SGCD: variants seen among roughly 807,000 people sequenced by gnomAD.
SGCD encodes delta-sarcoglycan.
Under a neutral mutation model 36.6 loss-of-function variants are expected in SGCD, and 18 were observed. The observed-to-expected ratio is 0.49, with a 90% CI of 0.34 to 0.73. The LOEUF is 0.73. SGCD is among the 30% of genes least tolerant of loss of function. The pLI, the probability that SGCD is intolerant of heterozygous loss-of-function variation, is 0.01. For synonymous variants in SGCD, 133 were observed against 130.6 expected (o/e 1.02, Z -0.12); for missense variants, 387 against 346.7 (o/e 1.12, Z -0.92).
chr5:156,752,404 C>G (rs1217140793), intron 7 of SGCD, among the ~76,000 whole-genome samples: 1 of 151,034 alleles, frequency 6.6e-6, no homozygotes, highest in Non-Finnish European at 1.5e-5. Flanking sequence ...TTCTTTTTTT[C>G]CCCCCCAAGA....
At chr5:155,934,330 C>T (rs1002129096) in intron 1 of SGCD, among the ~76,000 whole-genome samples, 1 of 152,226 alleles carries the variant, frequency 6.6e-6, no homozygotes, top group African/African-American at 2.4e-5. Context: ...TAGTTGGCAT[C>T]TTGCTCACAT....
intron 3 of SGCD, among the ~76,000 whole-genome samples, chr5:156,459,328 C>G (rs1012576256): frequency 5.9e-5 from 9 of 152,178 alleles, no homozygotes; most frequent in African/African-American, 2.2e-4. Flanking sequence ...AGTTAATAGT[C>G]TCTCTTACTA....
At chr5:156,673,193 G>T (rs1301845662) in intron 7 of SGCD, among the ~76,000 whole-genome samples, 2 of 152,178 alleles carry the variant, frequency 1.3e-5, no homozygotes, top group Non-Finnish European at 2.9e-5. Context: ...ATGAAGGAGG[G>T]CTGTCAAAGC....
At chr5:155,731,344 G>T in the SGCD span, among the ~76,000 whole-genome samples, 2 of 152,042 alleles carry the variant, frequency 1.3e-5, no homozygotes, top group Non-Finnish European at 1.5e-5. Context: ...AGTGGGAATG[G>T]GTGGGGAAGT....
chr5:156,352,758 C>T (rs1561639618), intron 3 of SGCD, among the ~76,000 whole-genome samples: 1 of 152,142 alleles, frequency 6.6e-6, no homozygotes, highest in Non-Finnish European at 1.5e-5. Flanking sequence ...GCTAAGCACC[C>T]TTGTTATCCA....
chr5:156,212,314 C>G (rs535987627), intron 3 of SGCD, among the ~76,000 whole-genome samples: 6 of 152,120 alleles, frequency 3.9e-5, no homozygotes, highest in African/African-American at 1.2e-4. Flanking sequence ...AAGGCATGTT[C>G]TTTGCAAATG....
At chr5:155,746,546 G>C in the SGCD span, among the ~76,000 whole-genome samples, 1 of 152,202 alleles carries the variant, frequency 6.6e-6, no homozygotes, top group Non-Finnish European at 1.5e-5. Flanking sequence ...AGAGTTCTGT[G>C]TTGTGGGTTT....
the SGCD span, among the ~76,000 whole-genome samples, chr5:155,847,338 G>C: frequency 2.0e-5 from 3 of 152,124 alleles, no homozygotes; most frequent in Non-Finnish European, 2.9e-5. Flanking sequence ...ATCACATTGG[G>C]TAGCTACCCA....
chr5:156,186,625 A>C (rs766332492), intron 3 of SGCD, among the ~76,000 whole-genome samples: 3 of 152,184 alleles, frequency 2.0e-5, no homozygotes, highest in Non-Finnish European at 4.4e-5. Context: ...ACACGACTAT[A>C]TGCAACTATG....
chr5:156,308,286 G>A (rs1305276784), intron 3 of SGCD, among the ~76,000 whole-genome samples: 1 of 142,938 alleles, frequency 7.0e-6, no homozygotes, highest in Admixed American at 7.2e-5. Context: ...GAGAGCAAAG[G>A]GGGAAGTGCC....
At chr5:156,131,231 G>A (rs1762313934) in intron 3 of SGCD, among the ~76,000 whole-genome samples, 1 of 152,108 alleles carries the variant, frequency 6.6e-6, no homozygotes, top group African/African-American at 2.4e-5. Flanking sequence ...ATGACTTGCA[G>A]AGGCAATGTC....
intron 3 of SGCD, among the ~76,000 whole-genome samples, chr5:156,221,586 A>G (rs927510226): frequency 3.3e-5 from 5 of 151,900 alleles, no homozygotes; most frequent in African/African-American, 9.7e-5. Context: ...AACAAAAACA[A>G]CAACTTATCA....
chr5:155,869,360 C>G (rs1041321257), upstream of SGCD, among the ~76,000 whole-genome samples: 2 of 152,144 alleles, frequency 1.3e-5, no homozygotes, highest in Non-Finnish European at 2.9e-5. Context: ...TTGATGTTAA[C>G]TTTCTTTTTA....
At chr5:156,427,333 T>G (rs1413082937) in intron 3 of SGCD, among the ~76,000 whole-genome samples, 2 of 152,146 alleles carry the variant, frequency 1.3e-5, no homozygotes, top group African/African-American at 4.8e-5. Flanking sequence ...CTTGATTTGA[T>G]TCTCAGCTTT....
chr5:156,574,625 T>A (rs529374485), intron 4 of SGCD, among the ~76,000 whole-genome samples: 63 of 151,804 alleles, frequency 4.2e-4, no homozygotes, highest in African/African-American at 1.4e-3. Flanking sequence ...GGGCTTTGGG[T>A]TTTTTTTCCC....
chr5:156,603,767 T>C (rs1022760343), intron 6 of SGCD, among the ~76,000 whole-genome samples: 3 of 152,082 alleles, frequency 2.0e-5, no homozygotes, highest in African/African-American at 7.2e-5. Flanking sequence ...AAAAAATGCT[T>C]GATATAATCT....
At chr5:156,595,705 A>G (rs1487895838) in intron 6 of SGCD, among the ~76,000 whole-genome samples, 1 of 152,230 alleles carries the variant, frequency 6.6e-6, no homozygotes, top group Non-Finnish European at 1.5e-5. Flanking sequence ...CCAGACTTGC[A>G]TACATGATGC....
chr5:156,516,947 G>A (rs1257964549), intron 4 of SGCD, among the ~76,000 whole-genome samples: 1 of 152,078 alleles, frequency 6.6e-6, no homozygotes, highest in Non-Finnish European at 1.5e-5. Flanking sequence ...GCAGTCAGCC[G>A]AGCTCACACC....
At chr5:155,922,164 A>G (rs906869978) in intron 1 of SGCD, among the ~76,000 whole-genome samples, 1 of 152,166 alleles carries the variant, frequency 6.6e-6, no homozygotes, top group South Asian at 2.1e-4. Flanking sequence ...CTTTGTCCTT[A>G]AGATGTTTGT....
Sources: allele counts gnomAD v4.1 joint callset (sites outside exome capture counted in the v4.1 genomes callset), GRCh38; gene constraint gnomAD v4.1.1; transcripts MANE v1.5; gene names NCBI Gene and HGNC (gene_info 2026-07-23, HGNC 2026-07-21).